FHIT: variants seen among roughly 807,000 people sequenced by gnomAD.
The protein encoded by FHIT is fragile histidine triad diadenosine triphosphatase.
FHIT carries 19 observed loss-of-function variants against 17.9 expected under a neutral mutation model. That is an observed-to-expected ratio of 1.06 (90% confidence interval 0.74 to 1.56). The LOEUF (loss-of-function observed/expected upper bound fraction) is 1.56, where lower values mean the gene tolerates loss of function less well. Among genes scored for constraint, FHIT ranks in the 40% most tolerant of loss-of-function variants. The pLI is 0.00. For missense variants in FHIT, 248 were observed against 189.2 expected (o/e 1.31, Z -1.82); for synonymous variants, 81 against 69.7 (o/e 1.16, Z -0.81).
intron 5 of FHIT, among the ~76,000 whole-genome samples, chr3:60,284,060 C>A (rs1252989780): frequency 6.6e-6 from 1 of 151,912 alleles, no homozygotes; most frequent in African/African-American, 2.4e-5. Context: ...CTGAAGCTGG[C>A]ATTTCAGAAT....
intron 7 of FHIT, among the ~76,000 whole-genome samples, chr3:59,940,984 T>G (rs1160499674): frequency 1.3e-5 from 2 of 152,174 alleles, no homozygotes; most frequent in Non-Finnish European, 2.9e-5. Context: ...TTTTCATTTT[T>G]TGTTCCCATA....
At chr3:60,676,530 A>C (rs2040624548) in intron 4 of FHIT, among the ~76,000 whole-genome samples, 1 of 152,158 alleles carries the variant, frequency 6.6e-6, no homozygotes, top group African/African-American at 2.4e-5. Flanking sequence ...TGGAGTTTAC[A>C]CTCTACCAGA....
chr3:60,875,030 T>C (rs1704583586), intron 3 of FHIT, among the ~76,000 whole-genome samples: 1 of 152,290 alleles, frequency 6.6e-6, no homozygotes, highest in African/African-American at 2.4e-5. Flanking sequence ...TGGGAGCATA[T>C]GTCAGGCAAC....
At chr3:60,024,880 T>C (rs1394639319) in intron 5 of FHIT, among the ~76,000 whole-genome samples, 1 of 152,182 alleles carries the variant, frequency 6.6e-6, no homozygotes, top group Admixed American at 6.5e-5. Flanking sequence ...TGGAGATGTA[T>C]GACAGATTCT....
chr3:60,938,496 A>C (rs1708284872), intron 3 of FHIT, among the ~76,000 whole-genome samples: 1 of 152,238 alleles, frequency 6.6e-6, no homozygotes, highest in Non-Finnish European at 1.5e-5. Flanking sequence ...TACGATTTGC[A>C]GTATAGCTGT....
At chr3:60,558,126 C>G (rs2036806217) in intron 4 of FHIT, among the ~76,000 whole-genome samples, 1 of 152,018 alleles carries the variant, frequency 6.6e-6, no homozygotes, top group African/African-American at 2.4e-5. Flanking sequence ...GTCGTCTTTG[C>G]CTTTGTGTAT....
chr3:60,372,473 T>C (rs1700369194), intron 5 of FHIT, among the ~76,000 whole-genome samples: 1 of 152,188 alleles, frequency 6.6e-6, no homozygotes, highest in African/African-American at 2.4e-5. Flanking sequence ...TCTATCTCAT[T>C]GTATTTTCCG....
Position 60,014,026 on chromosome 3 carries a change from G to C in FHIT, c.230C>G (p.Ser77Cys). Residue 77 changes from serine to cysteine, a missense_variant, in exon 6 of 10, where the codon TCT becomes TGT. Physicochemically the swap from Ser to Cys is moderately radical, Grantham distance 112. Coordinates refer to ENST00000492590, the MANE Select transcript of FHIT (RefSeq NM_002012.4). ...TVVEKHFHGT[S>C]LTFSMQDGPE... The stretch of plus-strand genomic sequence containing the variant: ...ACTCACCTGCATGGAAAAGGTGAGA[G>C]AGGTCCCATGGAAATGTTTTTCCAC... 2 of 1,614,030 alleles carry C rather than the reference G, an allele frequency of 1.2e-6. No individual in the cohort carries two copies. The highest frequency in any genetic ancestry group is 2.2e-5 in the East Asian group (1 of 44,840).
At chr3:60,569,688 T>A (rs1363093337) in intron 4 of FHIT, among the ~76,000 whole-genome samples, 2 of 145,512 alleles carry the variant, frequency 1.4e-5, no homozygotes, top group East Asian at 4.0e-4. Flanking sequence ...CTTCCCAAAT[T>A]AGTCACCTCA....
chr3:59,947,426 T>G (rs1706867514), intron 7 of FHIT, among the ~76,000 whole-genome samples: 1 of 152,188 alleles, frequency 6.6e-6, no homozygotes. Flanking sequence ...TAGCTAGTGG[T>G]CTATCAATCT....
intron 8 of FHIT, among the ~76,000 whole-genome samples, chr3:59,852,234 A>G (rs1376306042): frequency 6.6e-6 from 1 of 152,108 alleles, no homozygotes; most frequent in Non-Finnish European, 1.5e-5. Context: ...CTTCGGGTAG[A>G]GAGTAGAGCA....
chr3:60,712,076 C>T (rs1489079256), intron 4 of FHIT, among the ~76,000 whole-genome samples: 3 of 152,148 alleles, frequency 2.0e-5, no homozygotes, highest in Non-Finnish European at 2.9e-5. Context: ...GCTGATCTCT[C>T]GGCAGAAATA....
intron 2 of FHIT, among the ~76,000 whole-genome samples, chr3:61,187,260 G>A (rs937411476): frequency 1.3e-5 from 2 of 152,134 alleles, no homozygotes; most frequent in Admixed American, 6.6e-5. Flanking sequence ...AGGTACATAT[G>A]CAAAGACAAG....
At chr3:60,135,416 G>T (rs894587841) in intron 5 of FHIT, among the ~76,000 whole-genome samples, 34 of 152,062 alleles carry the variant, frequency 2.2e-4, no homozygotes, top group African/African-American at 6.3e-4. Context: ...CCTACACCCT[G>T]GAGCTAACAA....
intron 4 of FHIT, among the ~76,000 whole-genome samples, chr3:60,707,060 T>C (rs1050915884): frequency 9.2e-5 from 14 of 152,226 alleles, no homozygotes; most frequent in Non-Finnish European, 1.3e-4. Flanking sequence ...TGACATTTAC[T>C]TCAATATTCT....
intron 5 of FHIT, among the ~76,000 whole-genome samples, chr3:60,334,139 A>T (rs1710122952): frequency 6.6e-6 from 1 of 152,204 alleles, no homozygotes; most frequent in East Asian, 1.9e-4. Flanking sequence ...ACCTAGACTG[A>T]ACCCCTGGTG....
At chr3:60,350,327 T>C (rs1303966930) in intron 5 of FHIT, among the ~76,000 whole-genome samples, 1 of 152,120 alleles carries the variant, frequency 6.6e-6, no homozygotes, top group African/African-American at 2.4e-5. Flanking sequence ...GGCAAGCCCA[T>C]ATCCCAACTA....
intron 5 of FHIT, among the ~76,000 whole-genome samples, chr3:60,298,221 T>C (rs1371215327): frequency 3.9e-5 from 6 of 152,058 alleles, no homozygotes; most frequent in Admixed American, 1.3e-4. Context: ...GATTACAGCA[T>C]TGGCTACTGA....
intron 5 of FHIT, among the ~76,000 whole-genome samples, chr3:60,124,039 G>GAGAGAGAGAC (rs1705416219): frequency 1.8e-5 from 2 of 113,820 alleles, no homozygotes; most frequent in Non-Finnish European, 3.7e-5. Flanking sequence ...GAGAGAGAGA[G>GAGAGAGAGAC]AGAGAGAGAG....
Sources: gnomAD v4.1 joint callset for allele counts (sites outside exome capture counted in the v4.1 genomes callset) on GRCh38, gnomAD v4.1.1 for gene constraint, MANE v1.5 for transcripts, NCBI Gene and HGNC (gene_info 2026-07-23, HGNC 2026-07-21) for gene names.